Variants in HJURP observed in about 807,000 individuals in gnomAD.
HJURP encodes the protein Holliday junction recognition protein, also known as 14-3-3-associated AKT substrate.
In HJURP, 49 loss-of-function variants were observed where a neutral mutation model predicts 72.0. The observed-to-expected ratio is 0.68, with a 90% CI of 0.54 to 0.86. The LOEUF is 0.86. Among genes scored for constraint, HJURP ranks in the 40% least tolerant of loss-of-function variants. HJURP has a pLI of 0.00. For synonymous variants in HJURP, 357 were observed against 347.1 expected (o/e 1.03, Z -0.32); for missense variants, 908 against 936.3 (o/e 0.97, Z 0.39).
chr2:233,852,477 C>G, intron 3 of HJURP, 88 bp downstream of exon 3: 1 of 940,902 alleles, frequency 1.1e-6, no homozygotes, highest in South Asian at 1.4e-5. Flanking sequence ...TCTGCGTAAG[C>G]TCAGAGGTTG....
At chr2:233,852,865 A>G (rs557587770) in intron 2 of HJURP, among the ~76,000 whole-genome samples, 1 of 152,334 alleles carries the variant, frequency 6.6e-6, no homozygotes, top group East Asian at 1.9e-4. Context: ...TCATTAGCCC[A>G]AAAAGTTAAA....
At chr2:233,843,270 A>T (rs1277291223) in intron 7 of HJURP, among the ~76,000 whole-genome samples, 1 of 152,116 alleles carries the variant, frequency 6.6e-6, no homozygotes, top group Non-Finnish European at 1.5e-5. Flanking sequence ...CTTCTAAGTC[A>T]CTGGGTGAGA....
At position 233,841,612 on chromosome 2, in the gene HJURP, A is replaced by T; in HGVS notation, c.1168T>A (p.Phe390Ile). ...AGATTATATGTTGCACTGGAGTCGA[A>T]GTAAATCAAGGAAGAATACTTCGAG... is the stretch of plus-strand genomic sequence containing the variant. ...TPSKYSSLIY[F>I]DSSATYNLDE... Residue 390 changes from phenylalanine to isoleucine, a missense_variant, in exon 8 of 9, where the codon TTC (phenylalanine) becomes ATC (isoleucine). Around this residue, in one of 3 missense-constraint regions of HJURP, gnomAD observed 598 missense variants for 619.5 expected, o/e 0.97. Transcript: ENST00000411486. 6.2e-7 allele frequency: 1 copy of T among 1,614,258 alleles called. No individual in the cohort carries two copies. Among genetic ancestry groups the T allele is most frequent in the Non-Finnish European group, 8.5e-7 (1 of 1,180,036 alleles).
Position 233,841,255 on chromosome 2 carries a change from G to C in HJURP, c.1525C>G (p.Leu509Val), listed in dbSNP as rs1236287047. The change falls in exon 8 of 9, where the codon CTG (leucine) becomes GTG (valine). Residue 509 changes from leucine to valine, a missense_variant. By Grantham distance (32) the Leu-to-Val change is conservative. Transcript: ENST00000411486. ...TTGGGCAGGCACCTACCTGCTTCCA[G>C]AGATCTTTTGCCTAGGTTTTCAAAA... ...EAFENLGKRS[L>V]EAGRCLPKSD... The C allele has an allele frequency of 6.2e-7, 1 of 1,614,086 alleles. No homozygotes were observed.
intron 8 of HJURP, 107 bp downstream of exon 8, chr2:233,840,502 C>T (rs572788920): frequency 9.1e-5 from 103 of 1,132,262 alleles, no homozygotes; most frequent in Middle Eastern, 4.1e-4. Context: ...TGTAAGAATT[C>T]GGCTGAGATT....
chr2:233,843,442 C>T (rs139540613), intron 7 of HJURP, among the ~76,000 whole-genome samples: 11 of 152,282 alleles, frequency 7.2e-5, no homozygotes, highest in African/African-American at 2.6e-4. Context: ...ACCAAATGTT[C>T]TGAGAGGACA....
Position 233,841,090 on chromosome 2 carries a change from C to T in HJURP, c.1690G>A (p.Val564Ile). The change falls in exon 8 of 9, where the codon GTC becomes ATC. Residue 564 changes from valine (V) to isoleucine (I), a missense_variant. This residue lies in a region of HJURP where 598 missense variants were observed against 619.5 expected (regional missense o/e 0.97). Transcript: ENST00000411486. The part of the protein sequence containing the change: ...KSVSPSKTLS[V>I]PDKEVPGHGR... The stretch of plus-strand genomic sequence containing the variant: ...TGGCCTGGCACTTCTTTATCTGGGA[C>T]TGAAAGAGTTTTGCTGGGTGACACT... 6.2e-7 allele frequency: 1 copy of T among 1,614,168 alleles called. No individual in the cohort carries two copies.
rs1414269131 is a variant in HJURP, at chr2:233,847,430, T to G, written c.369A>C (p.Ser123=). 6.2e-7 allele frequency: 1 copy of G among 1,614,166 alleles called. No homozygotes were observed. The highest frequency in any genetic ancestry group is 1.7e-5 in the Admixed American group (1 of 60,024). The part of the protein sequence containing the change: ...DSKSGEVDAT[S]DQEESVAWAL... ...CCCAAGCAACTGACTCTTCCTGGTC[T>G]GACGTGGCATCGACCTCACCGCTTT... The change falls in exon 5 of 9, where the codon TCA becomes TCC. Residue 123 remains serine (S), a synonymous_variant. Transcript: ENST00000411486.
intron 6 of HJURP, 28 bp from the exon 7 acceptor site, chr2:233,844,311 A>G (rs1002152427): frequency 6.2e-7 from 1 of 1,605,824 alleles, no homozygotes; most frequent in Non-Finnish European, 8.5e-7. Context: ...GGTTACAAGA[A>G]AAAAGTTGCC....
intron 8 of HJURP, among the ~76,000 whole-genome samples, chr2:233,837,984 C>A (rs1705119577): frequency 6.6e-6 from 1 of 152,158 alleles, no homozygotes; most frequent in Non-Finnish European, 1.5e-5. Flanking sequence ...AAAGGAGAGA[C>A]AGCCTGCCTA....
Position 233,841,025 on chromosome 2 carries a change from G to A in HJURP, c.1755C>T (p.Asp585=). ...NRYDEIKEEF[D]KLHQKYCLKS... ...TGAGGCAATACTTTTGATGAAGCTTGTCAAATTCTTCTTTAATTTCATCGT... is the reference window on the plus strand; with the variant it reads ...TGAGGCAATACTTTTGATGAAGCTTATCAAATTCTTCTTTAATTTCATCGT... The change falls in exon 8 of 9, where the codon GAC becomes GAT. Residue 585 remains aspartate, a synonymous_variant. Coordinates refer to ENST00000411486, the MANE Select transcript of HJURP (RefSeq NM_018410.5). The A allele has an allele frequency of 6.2e-7, 1 of 1,614,200 alleles. No homozygotes were observed. Among genetic ancestry groups the A allele is most frequent in the Non-Finnish European group, 8.5e-7 (1 of 1,180,042 alleles).
rs937824136 is a variant in HJURP, at chr2:233,846,656, TC to T, written c.402+740del. 2.6e-5 allele frequency among the ~76,000 whole-genome samples: 4 copies of T among 152,102 alleles called. No homozygotes were observed. The highest frequency in any genetic ancestry group is 9.7e-5 in the African/African-American group (4 of 41,402). On this transcript the variant is annotated intron_variant, in intron 5 of 8. Coordinates refer to ENST00000411486, the MANE Select transcript of HJURP (RefSeq NM_018410.5). This position sits in a 1 kb window ranked among gnomAD's most constrained non-coding sequence, Gnocchi z 4.3. ...ATCTCTCAGTGAGCATCCACTTTCT[TC>T]CCCAGGACCACGGCCTTTTTCTTAG... is the stretch of plus-strand genomic sequence containing the variant.
At chr2:233,851,983 G>A (rs1705506676) in intron 3 of HJURP, among the ~76,000 whole-genome samples, 2 of 152,104 alleles carry the variant, frequency 1.3e-5, no homozygotes, top group Non-Finnish European at 2.9e-5. Context: ...AAGGGCTCCT[G>A]GATGCCCCCG....
At chr2:233,845,698 A>T (rs1437654439) in intron 6 of HJURP, 30 bp downstream of exon 6, 14 of 1,416,064 alleles carry the variant, frequency 9.9e-6, no homozygotes, top group Non-Finnish European at 1.4e-5. Context: ...ATCTAATTAT[A>T]TAAAAACAAA....
At position 233,846,776 on chromosome 2, in the gene HJURP, C is replaced by G. The variant is rs1180203421; in HGVS notation, c.402+621G>C. Among the ~76,000 whole-genome samples, 1 of 152,212 alleles carries G rather than the reference C, an allele frequency of 6.6e-6. No individual in the cohort carries two copies. Among genetic ancestry groups the G allele is most frequent in the Admixed American group, 6.5e-5 (1 of 15,290 alleles). On this transcript the variant is annotated intron_variant, in intron 5 of 8. Transcript: ENST00000411486. The surrounding 1 kb of genome is among the most constrained non-coding windows in gnomAD (Gnocchi z 4.3). ...ATGCATCAGGTATTCTGGCAGGCAA[C>G]AGAGTGTGACACGGGGGCCAGGAAA...
chr2:233,839,733 G>C (rs1559494916), intron 8 of HJURP, among the ~76,000 whole-genome samples: 1 of 152,144 alleles, frequency 6.6e-6, no homozygotes, highest in Non-Finnish European at 1.5e-5. Context: ...TGGCAGGCAG[G>C]GTCCACCCAA....
intron 2 of HJURP, 21 bp from the exon 3 acceptor site, chr2:233,852,641 T>C: frequency 1.3e-6 from 2 of 1,572,806 alleles, no homozygotes; most frequent in Non-Finnish European, 1.8e-6. Context: ...GAAACAAAAA[T>C]GACCATTTAC....
intron 8 of HJURP, among the ~76,000 whole-genome samples, chr2:233,839,819 T>G (rs1705176232): frequency 6.6e-6 from 1 of 152,154 alleles, no homozygotes; most frequent in African/African-American, 2.4e-5. Flanking sequence ...CCTCACCTGC[T>G]GGAACCACAA....
intron 7 of HJURP, among the ~76,000 whole-genome samples, chr2:233,843,037 C>G (rs1161991232): frequency 3.3e-5 from 5 of 152,116 alleles, no homozygotes; most frequent in Non-Finnish European, 5.9e-5. Context: ...TGGATTATAA[C>G]ATGTGAATCA....
Sources: allele counts gnomAD v4.1 joint callset (sites outside exome capture counted in the v4.1 genomes callset), GRCh38; gene constraint gnomAD v4.1.1; regional missense constraint gnomAD v4.1.1; non-coding constraint Gnocchi (gnomAD v3.1); transcripts MANE v1.5; gene names NCBI Gene and HGNC (gene_info 2026-07-23, HGNC 2026-07-21).